MTMR10: variants seen among roughly 807,000 people sequenced by gnomAD.
MTMR10 encodes myotubularin related protein 10, also known as myotubularin-related protein 10.
MTMR10 carries 56 observed loss-of-function variants against 88.1 expected under a neutral mutation model. The observed-to-expected ratio is 0.64, with a 90% CI of 0.51 to 0.79. The LOEUF is 0.79. Among genes scored for constraint, MTMR10 ranks in the 30% least tolerant of loss-of-function variants. The pLI, the probability that MTMR10 is intolerant of heterozygous loss-of-function variation, is 0.00. For missense variants in MTMR10, 883 were observed against 924.7 expected (o/e 0.95, Z 0.58); for synonymous variants, 380 against 340.9 (o/e 1.11, Z -1.26).
chr15:30,924,991 C>T, the MTMR10 span: 2 of 852,500 alleles, frequency 2.3e-6, no homozygotes, highest in South Asian at 1.8e-5. Context: ...CAGCCTAAAT[C>T]TCTAGAAGTG....
intron 2 of MTMR10, among the ~76,000 whole-genome samples, chr15:30,983,223 G>A (rs1330220977): frequency 3.3e-5 from 5 of 152,314 alleles, no homozygotes; most frequent in South Asian, 2.1e-4. Context: ...TTCCCAGGAT[G>A]CCACAAGGAA....
intron 3 of MTMR10, among the ~76,000 whole-genome samples, chr15:30,976,312 G>A (rs1386324324): frequency 6.6e-6 from 1 of 152,022 alleles, no homozygotes; most frequent in African/African-American, 2.4e-5. Context: ...TGAGGTGGCA[G>A]GATAGCTTGA....
At chr15:30,956,191 T>C (rs187706443) in intron 9 of MTMR10, 7 of 152,286 alleles carry the variant, frequency 4.6e-5, no homozygotes, top group Admixed American at 3.9e-4. Context: ...GCGCTGTACA[T>C]TTGCTTGATA....
chr15:30,973,132 A>G (rs1447861657), intron 5 of MTMR10, among the ~76,000 whole-genome samples: 1 of 152,212 alleles, frequency 6.6e-6, no homozygotes, highest in East Asian at 1.9e-4. Context: ...GTCCTTCTAT[A>G]TAATAGGCAC....
chr15:30,942,352 G>T, intron 15 of MTMR10: 1 of 470,190 alleles, frequency 2.1e-6, no homozygotes, highest in Non-Finnish European at 3.8e-6. Flanking sequence ...TTCTAAGACG[G>T]GCTAGAAAAA....
At chr15:30,919,116 C>T in the MTMR10 span, among the ~76,000 whole-genome samples, 1 of 152,212 alleles carries the variant, frequency 6.6e-6, no homozygotes, top group Non-Finnish European at 1.5e-5. Context: ...TACGGTGGCT[C>T]ACGCCTGTAA....
chr15:30,985,752 AACCCAGGG>A (rs1188061578), intron 2 of MTMR10, among the ~76,000 whole-genome samples: 1 of 152,210 alleles, frequency 6.6e-6, no homozygotes, highest in African/African-American at 2.4e-5. Context: ...AGGACAATGA[AACCCAGGG>A]ACTTCAACAC....
intron 3 of MTMR10, among the ~76,000 whole-genome samples, chr15:30,975,850 T>C (rs2030092515): frequency 6.6e-6 from 1 of 152,106 alleles, no homozygotes; most frequent in South Asian, 2.1e-4. Context: ...ACAATTACTA[T>C]AAAGAAAGAT....
chr15:30,930,804 GT>G, the MTMR10 span: 3 of 1,112,828 alleles, frequency 2.7e-6, no homozygotes, highest in African/African-American at 4.7e-5. Context: ...GAGGGCCTGG[GT>G]TCCTGTGGGC....
At chr15:30,972,872 A>C (rs1566962839) in intron 5 of MTMR10, among the ~76,000 whole-genome samples, 1 of 152,184 alleles carries the variant, frequency 6.6e-6, no homozygotes, top group Non-Finnish European at 1.5e-5. Flanking sequence ...AAAATACAGT[A>C]AAAGAGGGAG....
At chr15:30,954,343 C>T (rs1239756817) in intron 10 of MTMR10, among the ~76,000 whole-genome samples, 3 of 152,144 alleles carry the variant, frequency 2.0e-5, no homozygotes, top group East Asian at 1.9e-4. Context: ...CCACCTGGTA[C>T]GTTTGCTCAG....
At chr15:30,925,648 CGT>C in the MTMR10 span, 2 of 960,132 alleles carry the variant, frequency 2.1e-6, no homozygotes, top group South Asian at 1.5e-5. Context: ...CGCAGTTCTG[CGT>C]GTGTGAGCCC....
chr15:30,968,245 A>G (rs2955778), intron 5 of MTMR10: 297,197 of 356,714 alleles, frequency 0.83, 124,252 homozygotes, highest in East Asian at 0.96. Context: ...TATTCAGTAA[A>G]TATTTGCTGA....
At chr15:30,955,519 C>G (rs1423799992) in intron 9 of MTMR10, among the ~76,000 whole-genome samples, 1 of 152,108 alleles carries the variant, frequency 6.6e-6, no homozygotes, top group Non-Finnish European at 1.5e-5. Flanking sequence ...ATTCACCCCC[C>G]TTGGCCTCCC....
intron 15 of MTMR10, 140 bp from the exon 16 acceptor site, chr15:30,942,212 G>C: frequency 9.5e-7 from 1 of 1,048,502 alleles, no homozygotes; most frequent in Non-Finnish European, 1.4e-6. Context: ...CTTCCTTTGT[G>C]TCCTTATTCT....
intron 2 of MTMR10, among the ~76,000 whole-genome samples, chr15:30,985,000 C>A (rs931390827): frequency 6.6e-6 from 1 of 152,198 alleles, no homozygotes; most frequent in Non-Finnish European, 1.5e-5. Flanking sequence ...GATCCCATCT[C>A]CTCAGCATTT....
chr15:30,929,921 CATATATA>C, the MTMR10 span, among the ~76,000 whole-genome samples: 2 of 87,336 alleles, frequency 2.3e-5, no homozygotes, highest in African/African-American at 5.2e-5. Flanking sequence ...TAATATATAT[CATATATA>C]ATATATAAAA....
intron 2 of MTMR10, among the ~76,000 whole-genome samples, chr15:30,979,628 A>C (rs959251375): frequency 3.9e-5 from 6 of 152,226 alleles, no homozygotes; most frequent in Admixed American, 3.9e-4. Flanking sequence ...AAGCAGAAGT[A>C]ATAACAGGAA....
intron 2 of MTMR10, among the ~76,000 whole-genome samples, chr15:30,977,421 C>A (rs1305921805): frequency 6.6e-6 from 1 of 152,092 alleles, no homozygotes; most frequent in African/African-American, 2.4e-5. Flanking sequence ...AAAATGTATT[C>A]CATAAAGCCA....
Sources: allele counts gnomAD v4.1 joint callset (sites outside exome capture counted in the v4.1 genomes callset), GRCh38; gene constraint gnomAD v4.1.1; transcripts MANE v1.5; gene names NCBI Gene and HGNC (gene_info 2026-07-23, HGNC 2026-07-21).